SEMA3A: variants seen among roughly 807,000 people sequenced by gnomAD.
SEMA3A encodes semaphorin-3A.
Under a neutral mutation model 97.9 loss-of-function variants are expected in SEMA3A, and 29 were observed. That is an observed-to-expected ratio of 0.30 (90% CI 0.22 to 0.40). SEMA3A has a LOEUF of 0.40. Among genes scored for constraint, SEMA3A ranks in the 10% least tolerant of loss-of-function variants. The pLI is 1.00. For synonymous variants in SEMA3A, 321 were observed against 323.7 expected, an observed-to-expected ratio of 0.99 and a Z score of 0.09; for missense variants, 763 against 951.3, an observed-to-expected ratio of 0.80 and a Z score of 2.60.
chr7:84,293,032 G>A (rs1325017324), intron 3 of SEMA3A, among the ~76,000 whole-genome samples: 2 of 151,978 alleles, frequency 1.3e-5, no homozygotes, highest in African/African-American at 2.4e-5. Flanking sequence ...TAGCAAAATT[G>A]TAGAATTTCT....
At chr7:84,041,762 C>T (rs533964222) in intron 6 of SEMA3A, among the ~76,000 whole-genome samples, 3 of 152,188 alleles carry the variant, frequency 2.0e-5, no homozygotes, top group South Asian at 2.1e-4. Context: ...TTCTCTAACA[C>T]TCATCTGCTC....
intron 1 of SEMA3A, among the ~76,000 whole-genome samples, chr7:84,418,846 T>C (rs957520177): frequency 4.6e-5 from 7 of 151,960 alleles, no homozygotes; most frequent in South Asian, 4.1e-4. Flanking sequence ...TCCTGGGACA[T>C]AGCCTTGTAA....
chr7:84,313,041 A>G (rs1192933706), intron 2 of SEMA3A, among the ~76,000 whole-genome samples: 2 of 144,508 alleles, frequency 1.4e-5, no homozygotes, highest in Admixed American at 7.1e-5. Flanking sequence ...ATACACATAT[A>G]TAAGTGTATA....
intron 2 of SEMA3A, among the ~76,000 whole-genome samples, chr7:84,363,048 C>T (rs1802764546): frequency 6.6e-6 from 1 of 151,900 alleles, no homozygotes; most frequent in South Asian, 2.1e-4. Context: ...AGATGATATG[C>T]CCTGATCCAG....
chr7:84,211,134 T>C (rs1354889909), intron 3 of SEMA3A, among the ~76,000 whole-genome samples: 1 of 152,188 alleles, frequency 6.6e-6, no homozygotes, highest in Non-Finnish European at 1.5e-5. Flanking sequence ...TTCTCGTTCT[T>C]TAGTTTTTAT....
intron 3 of SEMA3A, among the ~76,000 whole-genome samples, chr7:84,227,937 C>T (rs1799028058): frequency 6.7e-6 from 1 of 149,446 alleles, no homozygotes; most frequent in East Asian, 2.0e-4. Flanking sequence ...GAGTGGGGGG[C>T]GGGGGCAGGT....
chr7:84,068,628 C>G (rs1793628111), intron 4 of SEMA3A, among the ~76,000 whole-genome samples: 1 of 151,918 alleles, frequency 6.6e-6, no homozygotes, highest in Non-Finnish European at 1.5e-5. Context: ...TTTTCTTGTA[C>G]TCAATAAGAC....
chr7:84,001,865 T>C, intron 12 of SEMA3A, 90 bp downstream of exon 12: 1 of 790,684 alleles, frequency 1.3e-6, no homozygotes, highest in Non-Finnish European at 2.1e-6. Context: ...TATGCTAGAC[T>C]ACTTGTCCAT....
At chr7:84,151,085 T>C (rs956304324) in intron 1 of SEMA3A, among the ~76,000 whole-genome samples, 6 of 149,282 alleles carry the variant, frequency 4.0e-5, no homozygotes, top group African/African-American at 9.7e-5. Context: ...CAAAAACCCA[T>C]CTGTACATCA....
intron 3 of SEMA3A, among the ~76,000 whole-genome samples, chr7:84,283,541 A>G (rs571277270): frequency 1.8e-4 from 27 of 152,266 alleles, no homozygotes; most frequent in African/African-American, 6.3e-4. Flanking sequence ...TGAAGAATGT[A>G]TAGAAGTTGG....
intron 12 of SEMA3A, among the ~76,000 whole-genome samples, chr7:83,993,203 A>G (rs1158163497): frequency 8.5e-6 from 1 of 117,032 alleles, no homozygotes; most frequent in African/African-American, 3.3e-5. Context: ...TTTTGAGCGT[A>G]TGTGTGTCTC....
chr7:84,377,193 G>C (rs1803125401), intron 1 of SEMA3A, among the ~76,000 whole-genome samples: 1 of 152,004 alleles, frequency 6.6e-6, no homozygotes, highest in African/African-American at 2.4e-5. Flanking sequence ...GCTGATCTTG[G>C]CATAAGGTCA....
intron 12 of SEMA3A, among the ~76,000 whole-genome samples, chr7:83,988,498 G>C (rs1036068321): frequency 2.0e-5 from 3 of 152,030 alleles, no homozygotes; most frequent in Admixed American, 2.0e-4. Context: ...AACTTTTGTG[G>C]TTTTAATTAC....
chr7:84,205,981 G>A (rs950072633), intron 3 of SEMA3A, among the ~76,000 whole-genome samples: 5 of 152,088 alleles, frequency 3.3e-5, no homozygotes, highest in African/African-American at 1.2e-4. Flanking sequence ...TTTAAAACTA[G>A]AGTGCCAGGA....
At chr7:84,004,468 T>A (rs558918821) in intron 11 of SEMA3A, among the ~76,000 whole-genome samples, 3 of 152,198 alleles carry the variant, frequency 2.0e-5, no homozygotes, top group South Asian at 2.1e-4. Context: ...ACTGAAAAAA[T>A]TTTATTGCTA....
intron 1 of SEMA3A, among the ~76,000 whole-genome samples, chr7:84,438,879 A>C (rs1805202786): frequency 6.6e-6 from 1 of 150,852 alleles, no homozygotes; most frequent in South Asian, 2.1e-4. Flanking sequence ...TAACAGATTT[A>C]ATTAATGTTA....
intron 1 of SEMA3A, among the ~76,000 whole-genome samples, chr7:84,394,269 T>G (rs1803666890): frequency 6.6e-6 from 1 of 152,114 alleles, no homozygotes; most frequent in Admixed American, 6.6e-5. Flanking sequence ...GAAAATTTGT[T>G]ACTTGCAGTT....
At chr7:84,082,700 C>G (rs958743219) in intron 4 of SEMA3A, among the ~76,000 whole-genome samples, 1 of 151,954 alleles carries the variant, frequency 6.6e-6, no homozygotes, top group South Asian at 2.1e-4. Context: ...TATGGAATAT[C>G]TACAAGCAAA....
intron 6 of SEMA3A, among the ~76,000 whole-genome samples, chr7:84,026,406 T>C (rs1216815505): frequency 6.6e-6 from 1 of 152,208 alleles, no homozygotes; most frequent in Non-Finnish European, 1.5e-5. Flanking sequence ...ATTAAAAGTC[T>C]TCTCATCTCT....
Sources: gnomAD v4.1 joint callset for allele counts (sites outside exome capture counted in the v4.1 genomes callset) on GRCh38, gnomAD v4.1.1 for gene constraint, MANE v1.5 for transcripts, NCBI Gene and HGNC (gene_info 2026-07-23, HGNC 2026-07-21) for gene names.